The following MLXIPL variants were observed in gnomAD, a reference collection of about 807,000 sequenced individuals.
MLXIPL encodes MLX interacting protein like.
Under a neutral mutation model 81.5 loss-of-function variants are expected in MLXIPL, and 49 were observed. That is an observed-to-expected ratio of 0.60 (90% CI 0.48 to 0.76). The LOEUF is 0.76. MLXIPL is among the 30% of genes least tolerant of loss of function. The pLI is 0.00. For missense variants in MLXIPL, 1,053 were observed against 1,167.0 expected, an observed-to-expected ratio of 0.90 and a Z score of 1.42; for synonymous variants, 466 against 485.5, an observed-to-expected ratio of 0.96 and a Z score of 0.53.
the MLXIPL span, among the ~76,000 whole-genome samples, chr7:73,630,994 A>G: frequency 6.6e-6 from 1 of 151,570 alleles, no homozygotes; most frequent in African/African-American, 2.4e-5. Flanking sequence ...ATTGCAGAAC[A>G]GTCACACTAG....
Position 73,606,961 on chromosome 7 carries a change from A to G in MLXIPL, c.618+13T>C, listed in dbSNP as rs1795330430. 6.2e-7 allele frequency: 1 copy of G among 1,613,410 alleles called. No homozygotes were observed. Among genetic ancestry groups the G allele is most frequent in the Non-Finnish European group, 8.5e-7 (1 of 1,179,802 alleles). ...AGGGATGCCCTTGCCTGCTGGACTT[A>G]CAGAGCACCCACCTGCTTAGGGGCC... is the stretch of plus-strand genomic sequence containing the variant. On this transcript the variant is annotated intron_variant, in intron 5 of 16. Coordinates refer to ENST00000313375, the MANE Select transcript of MLXIPL (RefSeq NM_032951.3).
intron 2 of MLXIPL, chr7:73,611,379 G>T (rs181218950): frequency 1.3e-5 from 2 of 152,316 alleles, no homozygotes; most frequent in East Asian, 3.9e-4. Context: ...TGGCTGCTCT[G>T]ACAAAGAGAA....
At chr7:73,643,032 G>A in the MLXIPL span, among the ~76,000 whole-genome samples, 4 of 152,114 alleles carry the variant, frequency 2.6e-5, no homozygotes, top group Non-Finnish European at 4.4e-5. Context: ...AAGGGTTGTA[G>A]GAGCTGTGTG....
chr7:73,642,224 G>T, the MLXIPL span, among the ~76,000 whole-genome samples: 1 of 152,120 alleles, frequency 6.6e-6, no homozygotes, highest in African/African-American at 2.4e-5. Flanking sequence ...AGAGTATGGG[G>T]GTGGTGCACG....
the MLXIPL span, among the ~76,000 whole-genome samples, chr7:73,634,526 G>A: frequency 1.5e-3 from 235 of 151,944 alleles, no homozygotes; most frequent in African/African-American, 5.5e-3. Context: ...CAAGTAGCTG[G>A]GACTACAGGT....
chr7:73,631,182 T>C, the MLXIPL span, among the ~76,000 whole-genome samples: 1 of 151,972 alleles, frequency 6.6e-6, no homozygotes, highest in African/African-American at 2.4e-5. Context: ...CTAATTTTTT[T>C]TGTATTTTTA....
Position 73,595,722 on chromosome 7 carries a change from A to G in MLXIPL, c.2225T>C (p.Ile742Thr). 1 of 1,613,166 alleles carries G rather than the reference A, an allele frequency of 6.2e-7. No individual in the cohort carries two copies. The highest frequency in any genetic ancestry group is 8.5e-7 in the Non-Finnish European group (1 of 1,179,544). The change falls in exon 15 of 17, where the codon ATC becomes ACC. Residue 742 changes from isoleucine to threonine, a missense_variant. Physicochemically the swap from Ile to Thr is moderately conservative, Grantham distance 89. Coordinates refer to ENST00000313375, the MANE Select transcript of MLXIPL (RefSeq NM_032951.3). ...CATCTGGTCAAAACGCTGGTGTGTGATGGGTACCCCTGTGGCGGGCAGCTG... is the reference window on the plus strand; with the variant it reads ...CATCTGGTCAAAACGCTGGTGTGTGGTGGGTACCCCTGTGGCGGGCAGCTG... ...QQQLPATGVP[I>T]THQRFDQMRD...
the MLXIPL span, among the ~76,000 whole-genome samples, chr7:73,639,430 T>C: frequency 6.6e-6 from 1 of 152,176 alleles, no homozygotes; most frequent in Non-Finnish European, 1.5e-5. Context: ...GTTGGATACA[T>C]TTTGATAAAT....
chr7:73,595,523 G>C (rs2116157903), intron 15 of MLXIPL, 114 bp downstream of exon 15: 1 of 1,605,378 alleles, frequency 6.2e-7, no homozygotes, highest in Admixed American at 1.7e-5. Flanking sequence ...TGTCACCTGG[G>C]AGCAGCTCTG....
At chr7:73,644,929 C>T in the MLXIPL span, among the ~76,000 whole-genome samples, 2 of 152,194 alleles carry the variant, frequency 1.3e-5, no homozygotes, top group Non-Finnish European at 1.5e-5. Context: ...GCATATCTCT[C>T]GCCCAAAGTC....
Position 73,597,562 on chromosome 7 carries a change from T to G in MLXIPL, c.1223A>C (p.Glu408Ala). The change falls in exon 9 of 17, where the codon GAG becomes GCG. Residue 408 changes from glutamate to alanine, a missense_variant. This residue lies in a region of MLXIPL where 823 missense variants were observed against 933.0 expected (regional missense o/e 0.88). Transcript: ENST00000313375. ...AGGGAAGGGAGGTGGGGGGCAGGGC[T>G]CCAGGCCTGGCACCTTGGCAGGGGG... ...YPPPAKVPGL[E>A]PCPPPPFPPM... 2 of 1,048,832 alleles carry G rather than the reference T, an allele frequency of 1.9e-6. No individual in the cohort carries two copies. The highest frequency in any genetic ancestry group is 2.3e-6 in the Non-Finnish European group (2 of 866,700). 65.0% of individuals were successfully genotyped at this position (1,048,832 alleles called of 1,614,324 possible).
intron 1 of MLXIPL, among the ~76,000 whole-genome samples, chr7:73,617,164 C>T (rs1204244162): frequency 2.0e-5 from 3 of 152,090 alleles, no homozygotes; most frequent in African/African-American, 4.8e-5. Flanking sequence ...TACAGTTGTG[C>T]GCCACCACGT....
intron 7 of MLXIPL, among the ~76,000 whole-genome samples, chr7:73,600,655 G>A (rs7458093): frequency 5.9e-4 from 65 of 110,726 alleles, no homozygotes; most frequent in African/African-American, 2.2e-3. Flanking sequence ...GGGTGGGGGC[G>A]AGAGGGGCCT....
At chr7:73,594,449 A>T (rs1554592994) in intron 15 of MLXIPL, 46 bp from the exon 16 acceptor site, 1 of 1,598,666 alleles carries the variant, frequency 6.3e-7, no homozygotes, top group Admixed American at 1.7e-5. Flanking sequence ...TGGTCCCCCC[A>T]CACCACGTGG....
the MLXIPL span, among the ~76,000 whole-genome samples, chr7:73,634,854 C>T: frequency 8.8e-5 from 10 of 113,636 alleles, no homozygotes; most frequent in South Asian, 2.5e-4. Flanking sequence ...CTCATTCTGT[C>T]GGCCAGGCTG....
intron 7 of MLXIPL, among the ~76,000 whole-genome samples, chr7:73,600,447 T>G (rs1347985809): frequency 2.8e-4 from 2 of 7,150 alleles, no homozygotes; most frequent in Non-Finnish European, 4.9e-4. Flanking sequence ...GGGCTCTGAG[T>G]GGGGTGGGGG....
chr7:73,607,118 T>C lies in MLXIPL; in HGVS notation c.574-100A>G, dbSNP rs782396843. 1.3e-5 allele frequency: 19 copies of C among 1,478,848 alleles called. No homozygotes were observed. In the South Asian group the frequency reaches 2.3e-4, roughly 18 times the overall value. The allele number at this position is 1,478,848 out of a possible 1,614,324, so 91.6% of individuals were successfully genotyped here. ...ACTCACAAGCGATGAGATCCCCCAT[T>C]TCCCATCAGGAGCTCACCCGACCCC... On this transcript the variant is annotated intron_variant, in intron 4 of 16. Transcript: ENST00000313375.
chr7:73,638,625 G>A, the MLXIPL span, among the ~76,000 whole-genome samples: 116 of 151,864 alleles, frequency 7.6e-4, no homozygotes, highest in Admixed American at 1.2e-3. Context: ...TTGTTTGTTT[G>A]TTTGTTTGTT....
At chr7:73,618,402 G>A (rs1482956630) in intron 1 of MLXIPL, among the ~76,000 whole-genome samples, 1 of 152,056 alleles carries the variant, frequency 6.6e-6, no homozygotes, top group Non-Finnish European at 1.5e-5. Context: ...TGGCCCCCAA[G>A]GCTTAGTCTT....
Sources: allele counts gnomAD v4.1 joint callset (sites outside exome capture counted in the v4.1 genomes callset), GRCh38; gene constraint gnomAD v4.1.1; regional missense constraint gnomAD v4.1.1; transcripts MANE v1.5; gene names NCBI Gene and HGNC (gene_info 2026-07-23, HGNC 2026-07-21).